Variants in TAS2R1 observed in about 807,000 individuals in gnomAD.
TAS2R1 encodes taste receptor type 2 member 1.
For missense variants in TAS2R1, 370 were observed against 353.4 expected (o/e 1.05, Z -0.38); for synonymous variants, 141 against 134.2 (o/e 1.05, Z -0.35).
chr5:9,725,286 T>G, the TAS2R1 span, among the ~76,000 whole-genome samples: 1 of 152,348 alleles, frequency 6.6e-6, no homozygotes, highest in Non-Finnish European at 1.5e-5. Flanking sequence ...GCCGGCTTCC[T>G]CAGCTTGCAG....
intron 1 of TAS2R1, among the ~76,000 whole-genome samples, chr5:9,660,225 ATTTTTTTTTT>A (rs35208333): frequency 3.4e-5 from 3 of 88,820 alleles, no homozygotes; most frequent in Admixed American, 1.4e-4. Flanking sequence ...CTCCCGGCTA[ATTTTTTTTTT>A]TTTTTTTTTT....
At chr5:9,716,516 T>G (rs115388932), upstream of TAS2R1, among the ~76,000 whole-genome samples, 973 of 148,732 alleles carry the variant, frequency 6.5e-3, 5 homozygotes, top group African/African-American at 0.022. Context: ...CCAATCCAGA[T>G]TCTACCAAGT....
intron 1 of TAS2R1, among the ~76,000 whole-genome samples, chr5:9,705,468 A>G (rs553925836): frequency 6.6e-6 from 1 of 152,334 alleles, no homozygotes; most frequent in East Asian, 1.9e-4. Flanking sequence ...TATCAATTCT[A>G]AGTGTCATTT....
At chr5:9,777,435 A>G in the TAS2R1 span, among the ~76,000 whole-genome samples, 431 of 152,380 alleles carry the variant, frequency 2.8e-3, 4 homozygotes, top group Middle Eastern at 6.8e-3. Context: ...AAGTTTGATC[A>G]TGACATTGAA....
chr5:9,648,258 C>A (rs887031296), intron 2 of TAS2R1, among the ~76,000 whole-genome samples: 4 of 152,128 alleles, frequency 2.6e-5, no homozygotes, highest in Admixed American at 6.5e-5. Context: ...ATTTTGGTAA[C>A]TTTTAAGTAA....
At chr5:9,807,686 G>A in the TAS2R1 span, among the ~76,000 whole-genome samples, 1 of 152,244 alleles carries the variant, frequency 6.6e-6, no homozygotes, top group South Asian at 2.1e-4. Flanking sequence ...AACATCATAT[G>A]TTCTCACTCA....
intron 1 of TAS2R1, among the ~76,000 whole-genome samples, chr5:9,684,783 A>G (rs1741092891): frequency 6.6e-6 from 1 of 152,226 alleles, no homozygotes; most frequent in Non-Finnish European, 1.5e-5. Context: ...TTTGATCATT[A>G]CACATAGTAT....
At chr5:9,689,484 C>T (rs1741193280) in intron 1 of TAS2R1, among the ~76,000 whole-genome samples, 1 of 152,112 alleles carries the variant, frequency 6.6e-6, no homozygotes, top group Non-Finnish European at 1.5e-5. Flanking sequence ...GCTATGGCCG[C>T]AGGGATTTAA....
chr5:9,834,242 G>A, the TAS2R1 span, among the ~76,000 whole-genome samples: 1 of 152,244 alleles, frequency 6.6e-6, no homozygotes, highest in African/African-American at 2.4e-5. Flanking sequence ...CTAAGCCCCA[G>A]CTGTGCTTCT....
intron 2 of TAS2R1, among the ~76,000 whole-genome samples, chr5:9,647,440 A>G (rs1408336999): frequency 1.3e-5 from 2 of 152,124 alleles, no homozygotes; most frequent in Admixed American, 6.5e-5. Flanking sequence ...TTTTGAGGAG[A>G]GCTGTGCAAA....
chr5:9,826,116 CATT>C, the TAS2R1 span, among the ~76,000 whole-genome samples: 1 of 152,044 alleles, frequency 6.6e-6, no homozygotes, highest in African/African-American at 2.4e-5. Context: ...TTACATTTAA[CATT>C]ATAAGTCATA....
chr5:9,664,985 C>G (rs1367686876), intron 1 of TAS2R1, among the ~76,000 whole-genome samples: 1 of 152,166 alleles, frequency 6.6e-6, no homozygotes, highest in Non-Finnish European at 1.5e-5. Context: ...GTCCCATAAA[C>G]TTAACAGCTG....
At chr5:9,697,629 T>G (rs1456411643) in intron 1 of TAS2R1, among the ~76,000 whole-genome samples, 1 of 152,178 alleles carries the variant, frequency 6.6e-6, no homozygotes, top group Non-Finnish European at 1.5e-5. Context: ...TAGATATTTT[T>G]GTATGTTTAG....
chr5:9,732,296 AGTG>A, the TAS2R1 span, among the ~76,000 whole-genome samples: 2 of 152,216 alleles, frequency 1.3e-5, no homozygotes, highest in Non-Finnish European at 2.9e-5. Context: ...TGAAGGAAAT[AGTG>A]GTTGATAATA....
At chr5:9,719,427 C>T in the TAS2R1 span, among the ~76,000 whole-genome samples, 2 of 152,238 alleles carry the variant, frequency 1.3e-5, no homozygotes, top group Non-Finnish European at 2.9e-5. Flanking sequence ...ACTTGTTTCA[C>T]TCTTCACTCT....
At chr5:9,701,344 T>G (rs561115921) in intron 1 of TAS2R1, among the ~76,000 whole-genome samples, 29 of 151,978 alleles carry the variant, frequency 1.9e-4, no homozygotes, top group Middle Eastern at 3.4e-3. Context: ...TCTTTACCCA[T>G]CTGGCAACAA....
At chr5:9,898,651 A>T in the TAS2R1 span, among the ~76,000 whole-genome samples, 1 of 152,164 alleles carries the variant, frequency 6.6e-6, no homozygotes, top group Admixed American at 6.5e-5. Flanking sequence ...GGCCACTTAG[A>T]AACTCCTCAA....
At chr5:9,897,891 T>C in the TAS2R1 span, among the ~76,000 whole-genome samples, 2 of 152,152 alleles carry the variant, frequency 1.3e-5, no homozygotes, top group Admixed American at 1.3e-4. Context: ...TAGATTGATA[T>C]ATAAACACAA....
intron 1 of TAS2R1, among the ~76,000 whole-genome samples, chr5:9,695,561 A>C (rs1300772387): frequency 6.6e-6 from 1 of 152,128 alleles, no homozygotes; most frequent in Non-Finnish European, 1.5e-5. Flanking sequence ...CCTTTCTCTG[A>C]TCATTTAAAA....
Sources: allele counts gnomAD v4.1 joint callset (sites outside exome capture counted in the v4.1 genomes callset), GRCh38; gene constraint gnomAD v4.1.1; transcripts MANE v1.5; gene names NCBI Gene and HGNC (gene_info 2026-07-23, HGNC 2026-07-21).